The following ARHGAP10 variants were observed in gnomAD, a reference collection of about 807,000 sequenced individuals.
ARHGAP10 encodes Rho GTPase activating protein 10.
A neutral mutation model predicts 108.6 loss-of-function variants in ARHGAP10; 87 were observed. That is an observed-to-expected ratio of 0.80 (90% CI 0.67 to 0.96). The LOEUF (loss-of-function observed/expected upper bound fraction) is 0.96. Ranked by LOEUF, ARHGAP10 falls within the 40% of genes least tolerant of loss-of-function variation. The pLI is 0.00. For missense variants in ARHGAP10, 939 were observed against 954.5 expected (o/e 0.98, Z 0.21); for synonymous variants, 347 against 341.1 (o/e 1.02, Z -0.19).
rs563096646 is a variant in ARHGAP10 at position 147,818,164 on chromosome 4, CT to C, written c.155-4549del. On this transcript the variant is annotated intron_variant, in intron 1 of 22. Coordinates refer to ENST00000336498, the MANE Select transcript of ARHGAP10 (RefSeq NM_024605.4). ...CCTATTTTTTTTTCTTCTTCTTTTT[CT>C]TTTTTTTTTTTTTAAAGGTAACAGC... is the stretch of plus-strand genomic sequence containing the variant. 4.5e-3 allele frequency among the ~76,000 whole-genome samples: 621 copies of C among 137,876 alleles called. 3 individuals carry two copies. The highest frequency in any genetic ancestry group is 0.02 in the East Asian group (98 of 4,798). The allele number at this position is 137,876 out of a possible 152,430, so 90.5% of individuals were successfully genotyped here.
At chr4:147,796,925 C>A (rs1036903632) in intron 1 of ARHGAP10, among the ~76,000 whole-genome samples, 3 of 152,164 alleles carry the variant, frequency 2.0e-5, no homozygotes, top group African/African-American at 4.8e-5. Context: ...TGCCATAGAG[C>A]CCTTCCACGG....
At chr4:148,024,894 GAA>G (rs939781264) in intron 19 of ARHGAP10, among the ~76,000 whole-genome samples, 15 of 152,188 alleles carry the variant, frequency 9.9e-5, no homozygotes, top group African/African-American at 3.6e-4. Flanking sequence ...AAAGGAAAAA[GAA>G]ATCAAGAAGA....
At position 147,965,028 on chromosome 4, in the gene ARHGAP10, C is replaced by A; in HGVS notation, c.1455C>A (p.Ser485Arg). The A allele has an allele frequency of 1.3e-6, 2 of 1,530,276 alleles. No individual in the cohort carries two copies. Among genetic ancestry groups the A allele is most frequent in the Non-Finnish European group, 8.7e-7 (1 of 1,144,014 alleles). The allele number at this position is 1,530,276 out of a possible 1,614,324, so 94.8% of individuals were successfully genotyped here. A position where few individuals can be genotyped will look rare whatever the true frequency, so the allele number is the denominator to read the frequency against. Reference sequence around the variant, plus strand: ...TTATTATTTTTTTTTTGGAAGAAAGCGGCAGCCCAGAATCTCGTGTTAATG... The same window carrying A: ...TTATTATTTTTTTTTTGGAAGAAAGAGGCAGCCCAGAATCTCGTGTTAATG... ...LHGDFIVPAKSGSPESRVNAI... is the reference protein window; with the variant it reads ...LHGDFIVPAKRGSPESRVNAI... The change falls in exon 17 of 23, where the codon AGC (serine) becomes AGA (arginine). Residue 485 changes from serine to arginine, a missense_variant. Coordinates refer to ENST00000336498, the MANE Select transcript of ARHGAP10 (RefSeq NM_024605.4).
chr4:147,772,879 G>A (rs1431802856), intron 1 of ARHGAP10, among the ~76,000 whole-genome samples: 3 of 152,042 alleles, frequency 2.0e-5, no homozygotes, highest in Non-Finnish European at 2.9e-5. Context: ...TGCAGCTGTC[G>A]TATCTCTTAG....
chr4:147,897,061 T>A (rs969615126), intron 10 of ARHGAP10, among the ~76,000 whole-genome samples: 1 of 152,094 alleles, frequency 6.6e-6, no homozygotes, highest in African/African-American at 2.4e-5. Context: ...TCTTAAACTC[T>A]ACCTCTAACA....
At chr4:147,752,487 C>T (rs954069878) in intron 1 of ARHGAP10, among the ~76,000 whole-genome samples, 6 of 151,124 alleles carry the variant, frequency 4.0e-5, no homozygotes, top group African/African-American at 1.5e-4. Flanking sequence ...AGTAATGTTA[C>T]TGTTAATGAT....
intron 7 of ARHGAP10, among the ~76,000 whole-genome samples, chr4:147,871,747 A>G (rs1357121255): frequency 1.3e-5 from 2 of 152,228 alleles, no homozygotes; most frequent in Non-Finnish European, 2.9e-5. Flanking sequence ...GCAAGGTTTT[A>G]GCCATTCTAT....
chr4:147,971,931 G>A (rs1409084154), intron 18 of ARHGAP10, among the ~76,000 whole-genome samples: 1 of 152,132 alleles, frequency 6.6e-6, no homozygotes, highest in Non-Finnish European at 1.5e-5. Context: ...GCATCATTTG[G>A]TGAGGTGGAA....
intron 1 of ARHGAP10, among the ~76,000 whole-genome samples, chr4:147,752,160 G>A (rs1160255104): frequency 2.6e-5 from 4 of 152,124 alleles, no homozygotes; most frequent in African/African-American, 7.2e-5. Flanking sequence ...TGGAATTACA[G>A]GCATGAGCCA....
At chr4:147,944,226 A>T (rs1183868802) in intron 14 of ARHGAP10, among the ~76,000 whole-genome samples, 1 of 152,202 alleles carries the variant, frequency 6.6e-6, no homozygotes, top group African/African-American at 2.4e-5. Context: ...ACCTTTAATC[A>T]GGGGGCTTAA....
At chr4:147,879,908 T>C (rs929379440) in intron 9 of ARHGAP10, among the ~76,000 whole-genome samples, 2 of 152,242 alleles carry the variant, frequency 1.3e-5, no homozygotes, top group African/African-American at 2.4e-5. Context: ...TCAGCATTTA[T>C]ACAATGGAAC....
Position 148,030,537 on chromosome 4 carries a change from C to T in ARHGAP10, c.1867+7124C>T, listed in dbSNP as rs973893703. Among the ~76,000 whole-genome samples the T allele has an allele frequency of 3.3e-5, 5 of 152,316 alleles. No individual in the cohort carries two copies. The East Asian group carries it at 5.8e-4, about 18-fold the overall frequency. On this transcript the variant is annotated intron_variant, in intron 19 of 22. Coordinates refer to ENST00000336498, the MANE Select transcript of ARHGAP10 (RefSeq NM_024605.4). ...CTGTGTAACCAATTCCAAGTGACTT[C>T]TGTTGCTCTGAAAACTCTATGGCCC... is the stretch of plus-strand genomic sequence containing the variant.
intron 18 of ARHGAP10, among the ~76,000 whole-genome samples, chr4:148,005,798 G>A (rs1242002203): frequency 6.6e-6 from 1 of 152,218 alleles, no homozygotes; most frequent in Non-Finnish European, 1.5e-5. Context: ...AGCAGTGAGA[G>A]AAGTATTTAC....
At chr4:147,975,973 G>A (rs1445051797) in intron 18 of ARHGAP10, among the ~76,000 whole-genome samples, 1 of 152,194 alleles carries the variant, frequency 6.6e-6, no homozygotes, top group African/African-American at 2.4e-5. Context: ...GTTCATTGGT[G>A]TAATTGGATT....
intron 10 of ARHGAP10, among the ~76,000 whole-genome samples, chr4:147,904,294 C>T (rs1736366404): frequency 6.6e-6 from 1 of 151,962 alleles, no homozygotes; most frequent in Non-Finnish European, 1.5e-5. Context: ...AGGTTAGTTA[C>T]ATATGTATAC....
In ARHGAP10 at chr4:147,800,469, T is replaced by A. The variant is rs551019160; in HGVS notation, c.155-22258T>A. On this transcript the variant is annotated intron_variant, in intron 1 of 22. Transcript: ENST00000336498. ...AGTTATTGTTGGTGGGGCTTTAGGT[T>A]GGTCCTTCTTTTGGATGGTGTAGGA... is the stretch of plus-strand genomic sequence containing the variant. Among the ~76,000 whole-genome samples, 3 of 152,320 alleles carry A rather than the reference T, an allele frequency of 2.0e-5. No homozygotes were observed. In the South Asian group the frequency reaches 6.2e-4, roughly 32 times the overall value.
At chr4:148,062,647 C>A (rs545620772) in intron 20 of ARHGAP10, among the ~76,000 whole-genome samples, 1 of 152,170 alleles carries the variant, frequency 6.6e-6, no homozygotes, top group African/African-American at 2.4e-5. Context: ...TCATTGGTTT[C>A]GAAGTCTTTG....
intron 18 of ARHGAP10, among the ~76,000 whole-genome samples, chr4:148,016,540 TG>T (rs1399053330): frequency 3.3e-5 from 5 of 151,986 alleles, no homozygotes; most frequent in Non-Finnish European, 7.4e-5. Context: ...AAATGCAAAT[TG>T]TTTTTTTCTC....
At chr4:148,068,700 TA>T (rs1730013445) in intron 22 of ARHGAP10, among the ~76,000 whole-genome samples, 1 of 152,158 alleles carries the variant, frequency 6.6e-6, no homozygotes, top group African/African-American at 2.4e-5. Flanking sequence ...GGGTGGGAGA[TA>T]GGACAGAGCC....
Sources: gnomAD v4.1 joint callset for allele counts (sites outside exome capture counted in the v4.1 genomes callset) on GRCh38, gnomAD v4.1.1 for gene constraint, MANE v1.5 for transcripts, NCBI Gene and HGNC (gene_info 2026-07-23, HGNC 2026-07-21) for gene names.